Variants in TUBB3 observed in about 807,000 individuals in gnomAD.
TUBB3 encodes the protein tubulin beta-3 chain.
A neutral mutation model predicts 37.8 loss-of-function variants in TUBB3; 17 were observed. That is an observed-to-expected ratio of 0.45 (90% confidence interval 0.31 to 0.67). The LOEUF (loss-of-function observed/expected upper bound fraction) is 0.67. TUBB3 is among the 30% of genes least tolerant of loss of function. TUBB3 has a pLI of 0.07. For synonymous variants in TUBB3, 332 were observed against 278.9 expected (o/e 1.19, Z -1.90); for missense variants, 262 against 657.9 (o/e 0.40, Z 6.58).
chr16:89,923,754 T>TCCG (rs2029970154), intron 1 of TUBB3, among the ~76,000 whole-genome samples: 3 of 151,880 alleles, frequency 2.0e-5, no homozygotes, highest in Admixed American at 2.0e-4. Context: ...CCACCGGGCC[T>TCCG]CCGCAGGTGC....
intron 2 of TUBB3, 53 bp from the exon 3 acceptor site, chr16:89,933,415 G>A: frequency 7.3e-7 from 1 of 1,375,124 alleles, no homozygotes; most frequent in Admixed American, 1.7e-5. Flanking sequence ...AAGAATGAGG[G>A]AGAGGCTCTG....
At chr16:89,932,497 A>C in intron 1 of TUBB3, 74 bp from the exon 2 acceptor site, 1 of 1,293,234 alleles carries the variant, frequency 7.7e-7, no homozygotes, top group Non-Finnish European at 1.1e-6. Flanking sequence ...GAGGGCTAAA[A>C]GGCTTCACAA....
At chr16:89,934,333 A>G (rs760346602) in intron 3 of TUBB3, 132 of 482,502 alleles carry the variant, frequency 2.7e-4, no homozygotes, top group Middle Eastern at 1.3e-3. Flanking sequence ...ACCGCAGCAC[A>G]TCCAGCTGGT....
chr16:89,925,427 TAAAA>T (rs36088141), intron 1 of TUBB3, among the ~76,000 whole-genome samples: 1 of 137,134 alleles, frequency 7.3e-6, no homozygotes. Flanking sequence ...CTCCGTTTCT[TAAAA>T]AAAAAAAAAA....
chr16:89,929,955 C>T (rs2030221536), intron 1 of TUBB3, among the ~76,000 whole-genome samples: 2 of 152,000 alleles, frequency 1.3e-5, no homozygotes, highest in South Asian at 4.2e-4. Context: ...CTGCCTCAGC[C>T]TCCCAAAGTA....
At chr16:89,929,294 C>T (rs576765324) in intron 1 of TUBB3, among the ~76,000 whole-genome samples, 3 of 152,150 alleles carry the variant, frequency 2.0e-5, no homozygotes, top group African/African-American at 2.4e-5. Flanking sequence ...AAATTTAACG[C>T]AAAAAGAATA....
chr16:89,928,905 A>G (rs1597421100), intron 1 of TUBB3, among the ~76,000 whole-genome samples: 1 of 138,544 alleles, frequency 7.2e-6, no homozygotes, highest in East Asian at 2.2e-4. Context: ...CTCGTGATCC[A>G]CCCGCCTTGG....
At position 89,936,008 on chromosome 16, in the gene TUBB3, C is replaced by T; in HGVS notation, c.*204C>T. On this transcript the variant is annotated 3_prime_UTR_variant, in exon 4 of 4. Coordinates refer to ENST00000315491, the MANE Select transcript of TUBB3 (RefSeq NM_006086.4). ...TCCTGTCTCTGTCTTATTGCAGCTC[C>T]AGGCCTGACGTTTTACGGTTTTGTT... 1.5e-6 allele frequency: 1 copy of T among 650,104 alleles called. No individual in the cohort carries two copies. The allele number at this position is 650,104 out of a possible 1,614,324, so 40.3% of individuals were successfully genotyped here.
Position 89,933,475 on chromosome 16 carries a change from G to A in TUBB3, c.174G>A (p.Lys58=). ...SVYYNEASSH[K]YVPRAILVDL... ...GCCCCTCTCTCCCCTCAGCTCACAA[G>A]TACGTGCCTCGAGCCATTCTGGTGG... Residue 58 remains lysine (K), a synonymous_variant, in exon 3 of 4, where the codon AAG becomes AAA. Transcript: ENST00000315491. 1.9e-6 allele frequency: 3 copies of A among 1,614,046 alleles called. No homozygotes were observed. Among genetic ancestry groups the A allele is most frequent in the East Asian group, 2.2e-5 (1 of 44,882 alleles).
chr16:89,923,884 C>T (rs915902468), intron 1 of TUBB3, among the ~76,000 whole-genome samples: 5 of 152,152 alleles, frequency 3.3e-5, no homozygotes, highest in Non-Finnish European at 5.9e-5. Flanking sequence ...GCCGTGATTT[C>T]CTCGGCCCGA....
intron 1 of TUBB3, among the ~76,000 whole-genome samples, chr16:89,927,206 G>C (rs7190000): frequency 0.6 from 90,494 of 151,256 alleles, 29,918 homozygotes; most frequent in East Asian, 0.9. Context: ...AAGACTCCGT[G>C]CCTACAAAAA....
Position 89,923,433 on chromosome 16 carries a change from A to G in TUBB3, c.32A>G (p.Gln11Arg). The stretch of plus-strand genomic sequence containing the variant: ...GAGATCGTGCACATCCAGGCCGGCC[A>G]GTGCGGCAACCAGATCGGGGCCAAG... Reference protein sequence around the residue: MREIVHIQAGQCGNQIGAKFW... With the variant: MREIVHIQAGRCGNQIGAKFW... Residue 11 changes from glutamine (Q) to arginine (R), a missense_variant, in exon 1 of 4, where the codon CAG becomes CGG. Transcript: ENST00000315491. The G allele has an allele frequency of 6.6e-7, 1 of 1,512,968 alleles. No homozygotes were observed. The highest frequency in any genetic ancestry group is 2.8e-5 in the East Asian group (1 of 35,248). 93.7% of individuals were successfully genotyped at this position (1,512,968 alleles called of 1,614,324 possible). A position where few individuals can be genotyped will look rare whatever the true frequency, so the allele number is the denominator to read the frequency against.
intron 1 of TUBB3, among the ~76,000 whole-genome samples, chr16:89,930,014 CCCTTCCTTCCTT>C (rs59751572): frequency 0.19 from 26,838 of 141,472 alleles, 2,823 homozygotes; most frequent in Middle Eastern, 0.33. Context: ...CAGTTTTCTC[CCCTTCCTTCCTT>C]CCTTCCTTCC....
upstream of TUBB3, chr16:89,923,212 G>A: frequency 4.2e-6 from 1 of 237,744 alleles, no homozygotes; most frequent in Non-Finnish European, 7.8e-6. Flanking sequence ...GGGCGGGGAC[G>A]CGCGGTGCGG....
In TUBB3 at chr16:89,935,108, G is replaced by A. The variant is rs778395569; in HGVS notation, c.657G>A (p.Thr219=). 2.1e-5 allele frequency: 34 copies of A among 1,614,028 alleles called. No individual in the cohort carries two copies. Among genetic ancestry groups the A allele is most frequent in the South Asian group, 2.1e-4 (19 of 91,088 alleles). ...DICFRTLKLA[T]PTYGDLNHLV... is the part of the protein sequence containing the mutation. ...GCTTCCGCACCCTCAAGCTGGCCAC[G>A]CCCACCTACGGGGACCTCAACCACC... The change falls in exon 4 of 4, where the codon ACG becomes ACA. Residue 219 remains threonine (T), a synonymous_variant. Transcript: ENST00000315491.
At chr16:89,933,154 C>G in intron 2 of TUBB3, 1 of 635,936 alleles carries the variant, frequency 1.6e-6, no homozygotes, top group Admixed American at 2.1e-5. Flanking sequence ...TCTCGAACTC[C>G]TGGACTCAAG....
intron 3 of TUBB3, 128 bp from the exon 4 acceptor site, chr16:89,934,601 C>T: frequency 2.2e-6 from 2 of 924,786 alleles, no homozygotes; most frequent in Non-Finnish European, 3.4e-6. Context: ...CTCAGTGGGG[C>T]CTACTTTACA....
intron 1 of TUBB3, among the ~76,000 whole-genome samples, chr16:89,926,285 G>A (rs1163966226): frequency 6.6e-6 from 1 of 152,236 alleles, no homozygotes; most frequent in African/African-American, 2.4e-5. Flanking sequence ...GGGCCTGGCC[G>A]TCTCAGCCAA....
chr16:89,930,166 G>A (rs139232168), intron 1 of TUBB3, among the ~76,000 whole-genome samples: 321 of 150,242 alleles, frequency 2.1e-3, no homozygotes, highest in Admixed American at 3.2e-3. Context: ...GTGCAGTGGC[G>A]CGATCTCGAC....
Sources: allele counts gnomAD v4.1 joint callset (sites outside exome capture counted in the v4.1 genomes callset), GRCh38; gene constraint gnomAD v4.1.1; transcripts MANE v1.5; gene names NCBI Gene and HGNC (gene_info 2026-07-23, HGNC 2026-07-21).